AGMO: variants seen among roughly 807,000 people sequenced by gnomAD.
AGMO encodes the protein alkylglycerol monooxygenase.
Under a neutral mutation model 60.2 loss-of-function variants are expected in AGMO, and 75 were observed. That is an observed-to-expected ratio of 1.25 (90% CI 1.03 to 1.51). The LOEUF is 1.51. AGMO is among the 40% of genes most tolerant of loss of function. The pLI, the probability that AGMO is intolerant of heterozygous loss-of-function variation, is 0.00. For missense variants in AGMO, 763 were observed against 525.5 expected (o/e 1.45, Z -4.42); for synonymous variants, 261 against 177.1 (o/e 1.47, Z -3.76).
At chr7:15,510,854 A>G (rs1783652397) in intron 3 of AGMO, among the ~76,000 whole-genome samples, 1 of 148,376 alleles carries the variant, frequency 6.7e-6, no homozygotes, top group Non-Finnish European at 1.5e-5. Flanking sequence ...AGTTTATATT[A>G]TAATATAATG....
At chr7:15,263,992 A>G (rs1783358776) in intron 12 of AGMO, among the ~76,000 whole-genome samples, 1 of 152,000 alleles carries the variant, frequency 6.6e-6, no homozygotes, top group Admixed American at 6.6e-5. Flanking sequence ...GTGCACCAAA[A>G]TCTCTGAAAT....
chr7:15,354,256 A>T (rs147939974), intron 12 of AGMO, among the ~76,000 whole-genome samples: 1 of 148,602 alleles, frequency 6.7e-6, no homozygotes, highest in East Asian at 2.0e-4. Context: ...AACAGTAAAA[A>T]ATGTGTACAT....
At chr7:15,259,229 A>G (rs1161515024) in intron 12 of AGMO, among the ~76,000 whole-genome samples, 3 of 152,044 alleles carry the variant, frequency 2.0e-5, no homozygotes, top group Non-Finnish European at 4.4e-5. Flanking sequence ...CAATTTCTGG[A>G]AATGAAGCAT....
intron 2 of AGMO, among the ~76,000 whole-genome samples, chr7:15,555,552 A>G (rs923141668): frequency 6.6e-6 from 1 of 151,920 alleles, no homozygotes; most frequent in Non-Finnish European, 1.5e-5. Flanking sequence ...GCGTACTACT[A>G]GTTATTATTG....
chr7:15,196,689 A>G (rs1185940188), downstream of AGMO, among the ~76,000 whole-genome samples: 1 of 152,202 alleles, frequency 6.6e-6, no homozygotes, highest in Non-Finnish European at 1.5e-5. Context: ...TCCACAGGTA[A>G]TCCTGATGCA....
chr7:15,123,211 A>T, the AGMO span, among the ~76,000 whole-genome samples: 35 of 152,094 alleles, frequency 2.3e-4, no homozygotes, highest in African/African-American at 8.2e-4. Context: ...CTCTATTTTG[A>T]TTTACAACTT....
intron 12 of AGMO, among the ~76,000 whole-genome samples, chr7:15,254,229 T>G (rs4721422): frequency 0.36 from 54,327 of 152,016 alleles, 10,575 homozygotes; most frequent in East Asian, 0.51. Flanking sequence ...CATATTGGTT[T>G]TATTTCTTTT....
At chr7:15,384,916 A>G (rs1459599112) in intron 10 of AGMO, among the ~76,000 whole-genome samples, 2 of 151,808 alleles carry the variant, frequency 1.3e-5, no homozygotes. Context: ...TGTGGCCAAA[A>G]AAAAATGATC....
At chr7:15,545,228 C>T (rs1333585193) in intron 2 of AGMO, among the ~76,000 whole-genome samples, 2 of 152,044 alleles carry the variant, frequency 1.3e-5, no homozygotes, top group Admixed American at 1.3e-4. Context: ...ACCCATACAA[C>T]ATAAATAGGA....
chr7:15,543,389 T>A (rs1784683930), intron 3 of AGMO, among the ~76,000 whole-genome samples: 1 of 152,154 alleles, frequency 6.6e-6, no homozygotes, highest in Non-Finnish European at 1.5e-5. Context: ...TCTTGGGAAG[T>A]GCAGCCAAGA....
chr7:15,164,152 A>G, the AGMO span, among the ~76,000 whole-genome samples: 1 of 152,186 alleles, frequency 6.6e-6, no homozygotes, highest in East Asian at 1.9e-4. Context: ...TGGGGAAAGA[A>G]CATTCTATTC....
chr7:15,437,144 T>A (rs995502464), intron 3 of AGMO, among the ~76,000 whole-genome samples: 7 of 152,138 alleles, frequency 4.6e-5, no homozygotes, highest in Non-Finnish European at 4.4e-5. Flanking sequence ...CTAAAAAATA[T>A]AATAGCCCAT....
At chr7:15,237,774 T>C in intron 12 of AGMO, among the ~76,000 whole-genome samples, 1 of 152,120 alleles carries the variant, frequency 6.6e-6, no homozygotes, top group East Asian at 1.9e-4. Flanking sequence ...ACAGGCTTTC[T>C]TCTTGACTGT....
At chr7:15,410,727 T>C (rs1022940004) in intron 5 of AGMO, among the ~76,000 whole-genome samples, 1 of 151,904 alleles carries the variant, frequency 6.6e-6, no homozygotes, top group Non-Finnish European at 1.5e-5. Context: ...AGATCATTTC[T>C]ATAATGTAAA....
At chr7:15,159,623 A>T in the AGMO span, among the ~76,000 whole-genome samples, 1 of 152,214 alleles carries the variant, frequency 6.6e-6, no homozygotes, top group Non-Finnish European at 1.5e-5. Context: ...CTGTACCAAC[A>T]TCAATCTGAG....
intron 12 of AGMO, among the ~76,000 whole-genome samples, chr7:15,349,384 A>T (rs191965811): frequency 1.3e-5 from 2 of 152,224 alleles, no homozygotes; most frequent in African/African-American, 4.8e-5. Context: ...GTCTACTTTG[A>T]TTATTCATTT....
chr7:15,472,127 A>G (rs946476373), intron 3 of AGMO, among the ~76,000 whole-genome samples: 1 of 151,876 alleles, frequency 6.6e-6, no homozygotes, highest in Non-Finnish European at 1.5e-5. Context: ...AAACTCCTTG[A>G]GGTTAAGGAC....
At chr7:15,414,386 A>C (rs933822246) in intron 5 of AGMO, among the ~76,000 whole-genome samples, 2 of 152,108 alleles carry the variant, frequency 1.3e-5, no homozygotes, top group African/African-American at 4.8e-5. Flanking sequence ...TTATATTACT[A>C]TAAAAGTCTT....
the AGMO span, among the ~76,000 whole-genome samples, chr7:15,171,405 G>C: frequency 2.6e-5 from 4 of 152,154 alleles, no homozygotes; most frequent in African/African-American, 9.7e-5. Flanking sequence ...ACCCACCACA[G>C]TAGTATCTGT....
Sources: allele counts gnomAD v4.1 joint callset (sites outside exome capture counted in the v4.1 genomes callset), GRCh38; gene constraint gnomAD v4.1.1; transcripts MANE v1.5; gene names NCBI Gene and HGNC (gene_info 2026-07-23, HGNC 2026-07-21).